NPAS3: variants seen among roughly 807,000 people sequenced by gnomAD.
The protein encoded by NPAS3 is neuronal PAS domain protein 3.
NPAS3 carries 14 observed loss-of-function variants against 73.1 expected under a neutral mutation model. The observed-to-expected ratio is 0.19, with a 90% CI of 0.13 to 0.30. The LOEUF (loss-of-function observed/expected upper bound fraction) is 0.30. NPAS3 is among the 10% of genes least tolerant of loss of function. The pLI is 1.00. For missense variants in NPAS3, 1,096 were observed against 1,250.0 expected (o/e 0.88, Z 1.86); for synonymous variants, 620 against 541.5 (o/e 1.14, Z -2.01).
At chr14:33,643,386 A>AC (rs1302239815) in intron 5 of NPAS3, among the ~76,000 whole-genome samples, 11 of 146,772 alleles carry the variant, frequency 7.5e-5, no homozygotes, top group South Asian at 4.5e-4. Context: ...AAAAAAAAAA[A>AC]AAAAAAAAAA....
chr14:33,612,760 G>T (rs1346676055), intron 5 of NPAS3, among the ~76,000 whole-genome samples: 1 of 152,146 alleles, frequency 6.6e-6, no homozygotes, highest in African/African-American at 2.4e-5. Flanking sequence ...CCGTAAACTG[G>T]TGATTTGGAG....
intron 7 of NPAS3, among the ~76,000 whole-genome samples, chr14:33,756,103 G>A (rs1360683390): frequency 6.6e-6 from 1 of 152,164 alleles, no homozygotes; most frequent in African/African-American, 2.4e-5. Context: ...CCAAACCATA[G>A]CAATTATCCA....
intron 2 of NPAS3, among the ~76,000 whole-genome samples, chr14:33,072,815 T>G (rs2041531509): frequency 6.6e-6 from 1 of 152,182 alleles, no homozygotes; most frequent in Non-Finnish European, 1.5e-5. Flanking sequence ...GTAATGAATT[T>G]AACATCTAGT....
chr14:33,046,779 C>T (rs1171916524), intron 1 of NPAS3, among the ~76,000 whole-genome samples: 1 of 152,126 alleles, frequency 6.6e-6, no homozygotes, highest in Non-Finnish European at 1.5e-5. Flanking sequence ...AGTTCAAGAC[C>T]AGCCTGGCCA....
intron 4 of NPAS3, among the ~76,000 whole-genome samples, chr14:33,369,404 C>CAAAAAAAAGAAA (rs2045982270): frequency 1.1e-5 from 1 of 90,890 alleles, no homozygotes; most frequent in Non-Finnish European, 2.2e-5. Context: ...GCCTCATTTC[C>CAAAAAAAAGAAA]AAAAAAAAAA....
intron 2 of NPAS3, among the ~76,000 whole-genome samples, chr14:33,182,073 T>A (rs2045818001): frequency 6.6e-6 from 1 of 152,128 alleles, no homozygotes; most frequent in African/African-American, 2.4e-5. Context: ...TCTTCCTCCT[T>A]CCCCTAGATA....
At chr14:33,013,152 C>T (rs2039272314) in intron 1 of NPAS3, among the ~76,000 whole-genome samples, 1 of 152,086 alleles carries the variant, frequency 6.6e-6, no homozygotes, top group Non-Finnish European at 1.5e-5. Context: ...TCTCCATACC[C>T]AAAGAATACA....
chr14:33,787,382 A>G (rs369331237), intron 9 of NPAS3, among the ~76,000 whole-genome samples: 25 of 152,274 alleles, frequency 1.6e-4, no homozygotes, highest in African/African-American at 5.5e-4. Flanking sequence ...AAATCTATCA[A>G]TTGGCAGTGT....
chr14:33,046,412 C>A (rs770195721), intron 1 of NPAS3, among the ~76,000 whole-genome samples: 11 of 152,116 alleles, frequency 7.2e-5, no homozygotes, highest in Non-Finnish European at 1.3e-4. Flanking sequence ...AGAGGTGTGA[C>A]TGATGGAGTG....
At chr14:32,960,284 A>G (rs117999478) in intron 1 of NPAS3, among the ~76,000 whole-genome samples, 378 of 152,328 alleles carry the variant, frequency 2.5e-3, no homozygotes, top group Admixed American at 4.6e-3. Flanking sequence ...AAGCAGGAAA[A>G]ATAATATTTA....
intron 1 of NPAS3, among the ~76,000 whole-genome samples, chr14:33,047,125 G>C (rs149947624): frequency 6.6e-6 from 1 of 152,274 alleles, no homozygotes; most frequent in South Asian, 2.1e-4. Flanking sequence ...ATTTGAAGCC[G>C]AAAGGTTGAA....
At chr14:33,448,088 A>G (rs2049602928) in intron 4 of NPAS3, among the ~76,000 whole-genome samples, 1 of 152,192 alleles carries the variant, frequency 6.6e-6, no homozygotes, top group Non-Finnish European at 1.5e-5. Flanking sequence ...AGGAGGAGGG[A>G]TGGAGAAGAT....
At chr14:33,503,504 A>C (rs757797729) in intron 4 of NPAS3, among the ~76,000 whole-genome samples, 3 of 151,978 alleles carry the variant, frequency 2.0e-5, no homozygotes, top group Non-Finnish European at 2.9e-5. Flanking sequence ...TGGATTCCAC[A>C]GCGCCAGTGT....
chr14:33,504,060 C>T lies in NPAS3; in HGVS notation c.469-56061C>T, dbSNP rs904217113. 3.9e-5 allele frequency among the ~76,000 whole-genome samples: 6 copies of T among 152,008 alleles called. No homozygotes were observed. The East Asian group carries it at 1.2e-3, about 30-fold the overall frequency. The stretch of plus-strand genomic sequence containing the variant: ...ACTACAATTACTGACACCCACCGCA[C>T]ATAGGGTGTTGGCCATTGCTTCCAG... On this transcript the variant is annotated intron_variant, in intron 4 of 11. Transcript: ENST00000356141.
chr14:33,392,607 A>G (rs543740892), intron 4 of NPAS3, among the ~76,000 whole-genome samples: 7 of 152,202 alleles, frequency 4.6e-5, no homozygotes, highest in Non-Finnish European at 8.8e-5. Context: ...AAATTAGTGC[A>G]TCATTCTTTT....
intron 4 of NPAS3, among the ~76,000 whole-genome samples, chr14:33,500,050 T>C (rs182039064): frequency 1.6e-4 from 25 of 152,012 alleles, no homozygotes; most frequent in Non-Finnish European, 4.4e-5. Flanking sequence ...TGATTTCTTA[T>C]GAAACGGTAG....
chr14:33,578,408 G>A, intron 5 of NPAS3: 1 of 352,980 alleles, frequency 2.8e-6, no homozygotes, highest in East Asian at 8.0e-5. Context: ...TGGTCAGGGT[G>A]GTCTGGAACT....
intron 4 of NPAS3, 94 bp from the exon 5 acceptor site, chr14:33,560,026 AT>A: frequency 3.4e-6 from 2 of 580,950 alleles, no homozygotes; most frequent in East Asian, 3.1e-5. Flanking sequence ...AAAAAAAAAA[AT>A]TCAATGTATT....
chr14:33,778,715 C>G, intron 9 of NPAS3, 143 bp downstream of exon 9: 1 of 621,758 alleles, frequency 1.6e-6, no homozygotes, highest in South Asian at 1.9e-5. Flanking sequence ...AAAAGTGAGA[C>G]ATAAATCATT....
Sources: gnomAD v4.1 joint callset for allele counts (sites outside exome capture counted in the v4.1 genomes callset) on GRCh38, gnomAD v4.1.1 for gene constraint, MANE v1.5 for transcripts, NCBI Gene and HGNC (gene_info 2026-07-23, HGNC 2026-07-21) for gene names.